The following RPIA variants were observed in gnomAD, a reference collection of about 807,000 sequenced individuals.
RPIA encodes ribose-5-phosphate isomerase.
A neutral mutation model predicts 37.8 loss-of-function variants in RPIA; 29 were observed. The ratio of observed to expected loss-of-function variants is 0.77; its 90% confidence interval spans 0.57 to 1.05. The LOEUF is 1.05. RPIA is among the 50% of genes least tolerant of loss of function. RPIA has a pLI of 0.00. For synonymous variants in RPIA, 167 were observed against 157.0 expected (o/e 1.06, Z -0.48); for missense variants, 385 against 413.6 (o/e 0.93, Z 0.60).
intron 6 of RPIA, 93 bp downstream of exon 6, chr2:88,735,830 G>T (rs1673308599): frequency 1.6e-6 from 2 of 1,223,826 alleles, no homozygotes; most frequent in African/African-American, 1.5e-5. Context: ...ATGGAGAGCT[G>T]CAGGGACTGT....
At chr2:88,722,343 T>C (rs1343113205) in intron 3 of RPIA, among the ~76,000 whole-genome samples, 1 of 152,202 alleles carries the variant, frequency 6.6e-6, no homozygotes, top group African/African-American at 2.4e-5. Flanking sequence ...ACCCAAATAA[T>C]AAAATATCTA....
At chr2:88,745,747 A>G (rs546742194) in intron 8 of RPIA, among the ~76,000 whole-genome samples, 1 of 152,280 alleles carries the variant, frequency 6.6e-6, no homozygotes, top group South Asian at 2.1e-4. Flanking sequence ...CCTGATGACT[A>G]TATGCCTAGG....
chr2:88,721,374 A>G (rs1057252996), intron 3 of RPIA, among the ~76,000 whole-genome samples: 3 of 150,836 alleles, frequency 2.0e-5, no homozygotes, highest in Non-Finnish European at 3.0e-5. Context: ...TTTAAAAAAA[A>G]GAAAATAAAT....
At chr2:88,746,828 C>T (rs1673442842) in intron 8 of RPIA, among the ~76,000 whole-genome samples, 1 of 152,132 alleles carries the variant, frequency 6.6e-6, no homozygotes, top group Admixed American at 6.5e-5. Context: ...GTTGTTTTTC[C>T]CTTTTTGGAG....
At chr2:88,710,252 T>A (rs926853253) in intron 3 of RPIA, among the ~76,000 whole-genome samples, 3 of 152,074 alleles carry the variant, frequency 2.0e-5, no homozygotes, top group Non-Finnish European at 4.4e-5. Context: ...CACTATGTTG[T>A]GCAGGCTGTT....
intron 8 of RPIA, among the ~76,000 whole-genome samples, chr2:88,739,757 G>A (rs903019244): frequency 6.6e-6 from 1 of 152,050 alleles, no homozygotes; most frequent in Non-Finnish European, 1.5e-5. Context: ...AGATGGGACT[G>A]CAGACACACA....
At chr2:88,743,708 C>T (rs552095335) in intron 8 of RPIA, among the ~76,000 whole-genome samples, 6 of 152,014 alleles carry the variant, frequency 3.9e-5, no homozygotes, top group South Asian at 2.1e-4. Flanking sequence ...GTTTCAGTGT[C>T]GCTGCTTGTT....
chr2:88,706,204 G>T (rs529971852), intron 3 of RPIA, among the ~76,000 whole-genome samples: 1 of 152,232 alleles, frequency 6.6e-6, no homozygotes, highest in South Asian at 2.1e-4. Flanking sequence ...CCATTGCTGA[G>T]TATATACCCA....
chr2:88,736,800 A>G, intron 7 of RPIA, 124 bp downstream of exon 7: 1 of 1,209,948 alleles, frequency 8.3e-7, no homozygotes. Flanking sequence ...ATTTATTTTT[A>G]ATTGATGTAT....
chr2:88,704,184 C>G (rs1408132563), intron 3 of RPIA, among the ~76,000 whole-genome samples: 1 of 152,212 alleles, frequency 6.6e-6, no homozygotes, highest in African/African-American at 2.4e-5. Flanking sequence ...TGCCTGTTAC[C>G]CAGTTCTAAA....
At chr2:88,724,941 C>T (rs981852789) in intron 3 of RPIA, among the ~76,000 whole-genome samples, 1 of 152,290 alleles carries the variant, frequency 6.6e-6, no homozygotes, top group Middle Eastern at 3.4e-3. Context: ...AATAAAACTA[C>T]ATTTTCAGGT....
intron 2 of RPIA, 43 bp downstream of exon 2, chr2:88,698,587 T>A: frequency 3.2e-6 from 5 of 1,572,372 alleles, no homozygotes; most frequent in Non-Finnish European, 4.4e-6. Context: ...TGTGTGATGA[T>A]GGGGTAGGGA....
chr2:88,700,023 C>CAAGAGAATCT lies in RPIA; in HGVS notation c.362_371dup (p.Asn125ArgfsTer27). The CAAGAGAATCT allele has an allele frequency of 6.2e-7, 1 of 1,614,158 alleles. No individual in the cohort carries two copies. The highest frequency in any genetic ancestry group is 1.1e-5 in the South Asian group (1 of 91,088). On this transcript the variant is annotated frameshift_variant, in exon 3 of 9. Transcript: ENST00000283646. LOFTEE classifies it high-confidence loss of function. ...TGTTTCCACAGCTGAAAGGGTGAAG[C>CAAGAGAATCT]AAGAGAATCTGAACCTCGTCTGTAT...
chr2:88,748,249 T>C (rs1673461846), intron 8 of RPIA, among the ~76,000 whole-genome samples: 1 of 152,210 alleles, frequency 6.6e-6, no homozygotes, highest in African/African-American at 2.4e-5. Flanking sequence ...CTGCCTTGCC[T>C]GTCTTGGAGA....
chr2:88,691,869 C>T lies in RPIA; in HGVS notation c.171C>T (p.Asn57=). 4 of 1,595,114 alleles carry T rather than the reference C, an allele frequency of 2.5e-6. No individual in the cohort carries two copies. The highest frequency in any genetic ancestry group is 2.3e-5 in the East Asian group (1 of 44,214). The part of the protein sequence containing the change: ...AQSGTRGGAG[N]TSTSCGDSNS... ...CTGGGACCCGTGGCGGTGCTGGCAACACAAGCACCAGCTGCGGGGACTCCA... is the reference window on the plus strand; with the variant it reads ...CTGGGACCCGTGGCGGTGCTGGCAATACAAGCACCAGCTGCGGGGACTCCA... The change falls in exon 1 of 9, where the codon AAC becomes AAT. Residue 57 remains asparagine, a synonymous_variant. Coordinates refer to ENST00000283646, the MANE Select transcript of RPIA (RefSeq NM_144563.3).
intron 3 of RPIA, among the ~76,000 whole-genome samples, chr2:88,723,782 C>T (rs1392649751): frequency 2.6e-5 from 4 of 152,060 alleles, no homozygotes; most frequent in Admixed American, 2.0e-4. Flanking sequence ...GACATGTGCC[C>T]AAGGTGGTCA....
At chr2:88,729,480 G>T (rs1299031689) in intron 4 of RPIA, 143 bp downstream of exon 4, 1 of 864,426 alleles carries the variant, frequency 1.2e-6, no homozygotes, top group Non-Finnish European at 1.9e-6. Context: ...GGGACCTTGA[G>T]TATTAATTTT....
chr2:88,721,451 A>T (rs57022857), intron 3 of RPIA, among the ~76,000 whole-genome samples: 2,349 of 148,074 alleles, frequency 0.016, 69 homozygotes, highest in African/African-American at 0.053. Flanking sequence ...TAATTAGTAT[A>T]ATATAAAATA....
At chr2:88,744,353 C>T (rs909539965) in intron 8 of RPIA, among the ~76,000 whole-genome samples, 1 of 152,176 alleles carries the variant, frequency 6.6e-6, no homozygotes, top group Non-Finnish European at 1.5e-5. Flanking sequence ...TTTTATTCCA[C>T]TGTGATCTGT....
Sources: allele counts gnomAD v4.1 joint callset (sites outside exome capture counted in the v4.1 genomes callset), GRCh38; gene constraint gnomAD v4.1.1; transcripts MANE v1.5; gene names NCBI Gene and HGNC (gene_info 2026-07-23, HGNC 2026-07-21).